The following GNAQ variants were observed in gnomAD, a reference collection of about 807,000 sequenced individuals.
The protein encoded by GNAQ is G protein subunit alpha q.
In GNAQ, 8 loss-of-function variants were observed where a neutral mutation model predicts 43.9. The ratio of observed to expected loss-of-function variants is 0.18; its 90% CI spans 0.11 to 0.33. The LOEUF is 0.33. Among genes scored for constraint, GNAQ ranks in the 10% least tolerant of loss-of-function variants. The probability of loss-of-function intolerance (pLI) is 1.00; values close to 1 mark genes in which losing one functional copy is unlikely to be tolerated. For synonymous variants in GNAQ, 155 were observed against 170.7 expected (o/e 0.91, Z 0.71); for missense variants, 158 against 450.8 (o/e 0.35, Z 5.88).
intron 1 of GNAQ, among the ~76,000 whole-genome samples, chr9:77,977,919 C>G (rs953167266): frequency 6.6e-6 from 1 of 152,160 alleles, no homozygotes; most frequent in Non-Finnish European, 1.5e-5. Flanking sequence ...AACCAGAACC[C>G]TCCACCAGTG....
At chr9:77,855,619 A>C (rs1372583058) in intron 2 of GNAQ, among the ~76,000 whole-genome samples, 1 of 152,142 alleles carries the variant, frequency 6.6e-6, no homozygotes, top group Non-Finnish European at 1.5e-5. Flanking sequence ...TGCAGAAATA[A>C]ATATGATTAC....
At chr9:77,921,705 T>C (rs1828999216) in intron 2 of GNAQ, among the ~76,000 whole-genome samples, 1 of 152,216 alleles carries the variant, frequency 6.6e-6, no homozygotes, top group African/African-American at 2.4e-5. Context: ...GTGGTACTAC[T>C]GAAAGAAAAT....
intron 2 of GNAQ, among the ~76,000 whole-genome samples, chr9:77,821,568 C>T (rs1827113037): frequency 6.6e-6 from 1 of 152,134 alleles, no homozygotes; most frequent in Non-Finnish European, 1.5e-5. Flanking sequence ...CTACATCAAA[C>T]ACTTCCAGAG....
In GNAQ at chr9:77,717,079, A is replaced by C. The variant is rs1825236655; in HGVS notation, c.*4244T>G. The C allele has an allele frequency of 4.3e-6, 1 of 232,620 alleles. No individual in the cohort carries two copies. The highest frequency in any genetic ancestry group is 2.2e-5 in the African/African-American group (1 of 45,336). The allele number at this position is 232,620 out of a possible 1,614,324, so 14.4% of individuals were successfully genotyped here. ...CCATTTCTTTTCCTAATTTGATGGA[A>C]CCAAAATGAAATCCCAAAGACACAG... is the stretch of plus-strand genomic sequence containing the variant. On this transcript the variant is annotated 3_prime_UTR_variant, in exon 7 of 7. Transcript: ENST00000286548.
At chr9:77,812,943 C>T (rs1826951009) in intron 3 of GNAQ, among the ~76,000 whole-genome samples, 1 of 151,838 alleles carries the variant, frequency 6.6e-6, no homozygotes, top group African/African-American at 2.4e-5. Flanking sequence ...TCCTCTGTCA[C>T]CCAGGCTGGA....
intron 2 of GNAQ, among the ~76,000 whole-genome samples, chr9:77,858,745 C>T (rs1447476792): frequency 6.6e-6 from 1 of 151,892 alleles, no homozygotes; most frequent in Admixed American, 6.6e-5. Context: ...AATTCCATGC[C>T]CAGCCCACTA....
In GNAQ at chr9:77,777,094, C is replaced by G. The variant is rs149274574; in HGVS notation, c.735+17369G>C. Among the ~76,000 whole-genome samples, 919 of 152,140 alleles carry G rather than the reference C, an allele frequency of 6.0e-3. 7 individuals carry two copies. Among genetic ancestry groups the G allele is most frequent in the South Asian group, 0.013 (62 of 4,816 alleles). ...AATAAAACTTTATGTTCACGATCACCTGGTTTTCAACATGGGGGCCAAGAC... is the reference window on the plus strand; with the variant it reads ...AATAAAACTTTATGTTCACGATCACGTGGTTTTCAACATGGGGGCCAAGAC... On this transcript the variant is annotated intron_variant, in intron 5 of 6. Coordinates refer to ENST00000286548, the MANE Select transcript of GNAQ (RefSeq NM_002072.5).
At chr9:77,786,668 C>T (rs929786518) in intron 5 of GNAQ, among the ~76,000 whole-genome samples, 1 of 152,150 alleles carries the variant, frequency 6.6e-6, no homozygotes, top group African/African-American at 2.4e-5. Flanking sequence ...TAAAATGGAA[C>T]AGACGGATAA....
intron 5 of GNAQ, among the ~76,000 whole-genome samples, chr9:77,760,552 C>G (rs974786761): frequency 7.0e-6 from 1 of 142,582 alleles, no homozygotes; most frequent in African/African-American, 2.5e-5. Flanking sequence ...GATCTCGGCT[C>G]GCTACAACTT....
intron 5 of GNAQ, among the ~76,000 whole-genome samples, chr9:77,735,646 C>G (rs1195284692): frequency 6.6e-6 from 1 of 152,154 alleles, no homozygotes; most frequent in Non-Finnish European, 1.5e-5. Flanking sequence ...TTTGAGAATT[C>G]AAAACACATT....
intron 5 of GNAQ, among the ~76,000 whole-genome samples, chr9:77,765,461 A>G (rs185406778): frequency 3.5e-4 from 54 of 152,384 alleles, no homozygotes; most frequent in Admixed American, 2.9e-3. Flanking sequence ...GGCAAAGGAC[A>G]TGAATAGACA....
chr9:77,881,439 C>T (rs1266008089), intron 2 of GNAQ, among the ~76,000 whole-genome samples: 6 of 152,168 alleles, frequency 3.9e-5, no homozygotes, highest in South Asian at 2.1e-4. Flanking sequence ...AGTACAGTGA[C>T]GCTATCATAG....
intron 5 of GNAQ, among the ~76,000 whole-genome samples, chr9:77,752,562 C>T (rs1825827812): frequency 6.6e-6 from 1 of 152,176 alleles, no homozygotes; most frequent in Admixed American, 6.5e-5. Context: ...TAACTTGCTC[C>T]CAAACCCACA....
At chr9:77,796,386 G>A (rs1299777974) in intron 4 of GNAQ, among the ~76,000 whole-genome samples, 1 of 151,966 alleles carries the variant, frequency 6.6e-6, no homozygotes, top group East Asian at 1.9e-4. Context: ...ATCTTCAATG[G>A]GGTGGGCGCT....
chr9:77,979,225 G>A lies in GNAQ; in HGVS notation c.136+51875C>T, dbSNP rs554633972. Among the ~76,000 whole-genome samples, 80 of 151,934 alleles carry A rather than the reference G, an allele frequency of 5.3e-4. 1 individual carries two copies. The highest frequency in any genetic ancestry group is 1.8e-3 in the African/African-American group (75 of 41,452). On this transcript the variant is annotated intron_variant, in intron 1 of 6. Coordinates refer to ENST00000286548, the MANE Select transcript of GNAQ (RefSeq NM_002072.5). ...CCAAAAATTAACCAGGTACGGTGGC[G>A]GATGCCTATAATCCCAGTTACTCGG... is the stretch of plus-strand genomic sequence containing the variant.
Position 77,927,119 on chromosome 9 carries a change from A to G in GNAQ, c.137-4774T>C, listed in dbSNP as rs1023999759. 2.6e-5 allele frequency among the ~76,000 whole-genome samples: 4 copies of G among 152,146 alleles called. 1 individual carries two copies. The highest frequency in any genetic ancestry group is 1.3e-4 in the Admixed American group (2 of 15,254). ...CATTTTAGGCCTTTTCTTCCCCCCA[A>G]GATCTTTTCAACACAACAGGATTCC... On this transcript the variant is annotated intron_variant, in intron 1 of 6. Coordinates refer to ENST00000286548, the MANE Select transcript of GNAQ (RefSeq NM_002072.5).
Position 78,030,265 on chromosome 9 carries a change from CA to C in GNAQ, c.136+834del, listed in dbSNP as rs1824033478. 2.0e-5 allele frequency among the ~76,000 whole-genome samples: 3 copies of C among 152,170 alleles called. No individual in the cohort carries two copies. The South Asian group carries it at 6.2e-4, about 31-fold the overall frequency. ...CCTACATCTAGGTTGCCTCATTAAA[CA>C]AAAGATACCGGTCGCTGTCAACAAC... On this transcript the variant is annotated intron_variant, in intron 1 of 6. Coordinates refer to ENST00000286548, the MANE Select transcript of GNAQ (RefSeq NM_002072.5).
At chr9:77,863,065 T>C (rs1221541086) in intron 2 of GNAQ, among the ~76,000 whole-genome samples, 1 of 152,044 alleles carries the variant, frequency 6.6e-6, no homozygotes, top group Non-Finnish European at 1.5e-5. Context: ...TCCCAGCTAC[T>C]TGGGAGGCAG....
At chr9:77,795,079 C>T (rs1423455544) in intron 4 of GNAQ, among the ~76,000 whole-genome samples, 2 of 152,086 alleles carry the variant, frequency 1.3e-5, no homozygotes, top group Admixed American at 1.3e-4. Context: ...TGGTATGATG[C>T]TTCCACTAAA....
Sources: allele counts gnomAD v4.1 joint callset (sites outside exome capture counted in the v4.1 genomes callset), GRCh38; gene constraint gnomAD v4.1.1; transcripts MANE v1.5; gene names NCBI Gene and HGNC (gene_info 2026-07-23, HGNC 2026-07-21).